Variants in TCF4 observed in about 807,000 individuals in gnomAD.
The protein encoded by TCF4 is SL3-3 enhancer factor 2.
TCF4 carries 3 observed loss-of-function variants against 82.1 expected under a neutral mutation model. That is an observed-to-expected ratio of 0.04 (90% confidence interval 0.02 to 0.09). The LOEUF is 0.09. Ranked by LOEUF, TCF4 falls within the 10% of genes least tolerant of loss-of-function variation. The pLI is 1.00. For synonymous variants in TCF4, 276 were observed against 309.6 expected, an observed-to-expected ratio of 0.89 and a Z score of 1.14; for missense variants, 518 against 852.7, an observed-to-expected ratio of 0.61 and a Z score of 4.89.
intron 6 of TCF4, among the ~76,000 whole-genome samples, chr18:55,372,234 A>C (rs2089445593): frequency 6.6e-6 from 1 of 152,180 alleles, no homozygotes. Flanking sequence ...TCGGTGGAAT[A>C]ACAATTTTGA....
intron 8 of TCF4, among the ~76,000 whole-genome samples, chr18:55,295,776 G>A (rs1000039195): frequency 2.0e-5 from 3 of 152,044 alleles, no homozygotes; most frequent in African/African-American, 4.8e-5. Context: ...CTGGGTCACC[G>A]GATATGCCAT....
chr18:55,537,643 A>T (rs992554276), intron 3 of TCF4, among the ~76,000 whole-genome samples: 1 of 152,150 alleles, frequency 6.6e-6, no homozygotes, highest in African/African-American at 2.4e-5. Flanking sequence ...CCATTCCTAT[A>T]AAACAGAATA....
chr18:55,297,435 A>G (rs1422948846), intron 8 of TCF4, among the ~76,000 whole-genome samples: 1 of 149,180 alleles, frequency 6.7e-6, no homozygotes, highest in Admixed American at 6.7e-5. Flanking sequence ...CAATGTATGA[A>G]TAACAAGAAT....
chr18:55,354,062 T>C (rs543714661), intron 6 of TCF4, among the ~76,000 whole-genome samples: 1 of 152,320 alleles, frequency 6.6e-6, no homozygotes, highest in South Asian at 2.1e-4. Flanking sequence ...AGAGCTAACC[T>C]GTAAATCTTA....
intron 6 of TCF4, among the ~76,000 whole-genome samples, chr18:55,374,927 T>C (rs1284149938): frequency 7.5e-6 from 1 of 132,462 alleles, no homozygotes; most frequent in Non-Finnish European, 1.6e-5. Flanking sequence ...ATATCAAAAA[T>C]TCCCCTCTTA....
In TCF4 at chr18:55,406,837, G is replaced by A. The variant is rs1424715973; in HGVS notation, c.305-3319C>T. Among the ~76,000 whole-genome samples the A allele has an allele frequency of 2.0e-5, 3 of 152,178 alleles. 1 individual carries two copies. The highest frequency in any genetic ancestry group is 2.9e-5 in the Non-Finnish European group (2 of 68,024). On this transcript the variant is annotated intron_variant, in intron 5 of 19. Coordinates refer to ENST00000354452, the MANE Select transcript of TCF4 (RefSeq NM_001083962.2). ...TAGCAGTGATGAACAAACCCGGCGC[G>A]TTCACTGCGGAATTTTCGAGACAAC...
Position 55,498,344 on chromosome 18 carries a change from C to T in TCF4, c.146-34207G>A, listed in dbSNP as rs546846015. On this transcript the variant is annotated intron_variant, in intron 3 of 19. Transcript: ENST00000354452. ...CAGCCCTACACATGGTAAGCCTAGA[C>T]TTTAAAGCATAATCACCTCCCTTAT... Among the ~76,000 whole-genome samples, 13 of 152,332 alleles carry T rather than the reference C, an allele frequency of 8.5e-5. No homozygotes were observed. In the South Asian group the frequency reaches 1.0e-3, roughly 12 times the overall value.
chr18:55,358,960 G>C (rs901301256), intron 6 of TCF4, among the ~76,000 whole-genome samples: 1 of 152,130 alleles, frequency 6.6e-6, no homozygotes, highest in African/African-American at 2.4e-5. Context: ...TAATTGTAAG[G>C]AGTATATTTA....
At chr18:55,451,977 G>A (rs1603474719) in intron 5 of TCF4, among the ~76,000 whole-genome samples, 1 of 152,166 alleles carries the variant, frequency 6.6e-6, no homozygotes, top group African/African-American at 2.4e-5. Context: ...CTGTACTCCA[G>A]CCTGGGTGAC....
At chr18:55,304,659 T>C (rs1263334511) in intron 8 of TCF4, among the ~76,000 whole-genome samples, 1 of 152,136 alleles carries the variant, frequency 6.6e-6, no homozygotes, top group Non-Finnish European at 1.5e-5. Context: ...TGGTAGTTTT[T>C]TGGGGCACAT....
chr18:55,454,754 A>G (rs1009026091), intron 5 of TCF4, among the ~76,000 whole-genome samples: 6 of 152,242 alleles, frequency 3.9e-5, no homozygotes, highest in Non-Finnish European at 7.3e-5. Flanking sequence ...ATAAAATGAC[A>G]TATCAGAAAG....
At chr18:55,307,486 C>G (rs115348476) in intron 8 of TCF4, among the ~76,000 whole-genome samples, 2,701 of 152,278 alleles carry the variant, frequency 0.018, 103 homozygotes, top group South Asian at 0.16. Context: ...CCTCAACACA[C>G]ATTATATTTC....
intron 3 of TCF4, among the ~76,000 whole-genome samples, chr18:55,570,273 A>AAT (rs2097450550): frequency 6.6e-6 from 1 of 152,196 alleles, no homozygotes; most frequent in African/African-American, 2.4e-5. Flanking sequence ...CATACAAGAG[A>AAT]ATATATGTAC....
chr18:55,525,436 G>C (rs993133637), intron 3 of TCF4, among the ~76,000 whole-genome samples: 1 of 152,092 alleles, frequency 6.6e-6, no homozygotes, highest in Non-Finnish European at 1.5e-5. Flanking sequence ...CTTAGTAGTA[G>C]AGAAAAGTAA....
At chr18:55,500,948 CAG>C (rs2096692031) in intron 3 of TCF4, among the ~76,000 whole-genome samples, 1 of 152,080 alleles carries the variant, frequency 6.6e-6, no homozygotes, top group Admixed American at 6.6e-5. Flanking sequence ...GATAAAGAAA[CAG>C]AAAAATTCTG....
At chr18:55,310,646 T>C (rs527949441) in intron 8 of TCF4, among the ~76,000 whole-genome samples, 2 of 152,318 alleles carry the variant, frequency 1.3e-5, no homozygotes, top group South Asian at 4.1e-4. Flanking sequence ...GTAAAGGAGT[T>C]GCATTATTGG....
Position 55,585,722 on chromosome 18 carries a change from A to G in TCF4, c.73-370T>C, listed in dbSNP as rs560183486. Reference sequence around the variant, plus strand: ...AAAGTTGTTTTGTTTTATATTGAAAACCTTGGCCATAAACGTGGCAATGTC... The same window carrying G: ...AAAGTTGTTTTGTTTTATATTGAAAGCCTTGGCCATAAACGTGGCAATGTC... On this transcript the variant is annotated intron_variant, in intron 2 of 19. Coordinates refer to ENST00000354452, the MANE Select transcript of TCF4 (RefSeq NM_001083962.2). 96 of 1,087,842 alleles carry G rather than the reference A, an allele frequency of 8.8e-5. 3 individuals carry two copies. In the East Asian group the frequency reaches 5.5e-3, roughly 63 times the overall value. 67.4% of individuals were successfully genotyped at this position (1,087,842 alleles called of 1,614,324 possible).
At chr18:55,583,875 T>A (rs994642813) in intron 3 of TCF4, among the ~76,000 whole-genome samples, 2 of 152,102 alleles carry the variant, frequency 1.3e-5, no homozygotes, top group Non-Finnish European at 2.9e-5. Flanking sequence ...AAAAGTTGCA[T>A]AGAGGATACC....
intron 8 of TCF4, among the ~76,000 whole-genome samples, chr18:55,329,202 G>A (rs74522509): frequency 7.4e-4 from 113 of 152,260 alleles, no homozygotes; most frequent in African/African-American, 2.7e-3. Context: ...AAGGCCAATC[G>A]ATAGCCTAAA....
Sources: gnomAD v4.1 joint callset for allele counts (sites outside exome capture counted in the v4.1 genomes callset) on GRCh38, gnomAD v4.1.1 for gene constraint, MANE v1.5 for transcripts, NCBI Gene and HGNC (gene_info 2026-07-23, HGNC 2026-07-21) for gene names.